MCPH1: variants seen among roughly 807,000 people sequenced by gnomAD.
The protein encoded by MCPH1 is microcephalin 1, also known as microcephalin.
In MCPH1, 104 loss-of-function variants were observed where a neutral mutation model predicts 84.5. The observed-to-expected ratio is 1.23, with a 90% CI of 1.05 to 1.45. The LOEUF is 1.45. Among genes scored for constraint, MCPH1 ranks in the 40% most tolerant of loss-of-function variants. MCPH1 has a pLI of 0.00. For synonymous variants in MCPH1, 514 were observed against 366.8 expected, an observed-to-expected ratio of 1.40 and a Z score of -4.58; for missense variants, 1,498 against 1,005.7, an observed-to-expected ratio of 1.49 and a Z score of -6.62.
At chr8:6,624,432 G>T (rs927557130) in intron 13 of MCPH1, among the ~76,000 whole-genome samples, 20 of 152,184 alleles carry the variant, frequency 1.3e-4, no homozygotes, top group South Asian at 8.3e-4. Flanking sequence ...GGCGTCTCCA[G>T]TGTAGTGGGC....
chr8:6,529,340 G>T (rs1287885850), intron 12 of MCPH1, among the ~76,000 whole-genome samples: 2 of 152,134 alleles, frequency 1.3e-5, no homozygotes, highest in Non-Finnish European at 2.9e-5. Flanking sequence ...GAAATTTTCA[G>T]ATTTGAATTT....
At chr8:6,443,803 C>T (rs184423268) in intron 7 of MCPH1, among the ~76,000 whole-genome samples, 446 of 152,194 alleles carry the variant, frequency 2.9e-3, no homozygotes, top group Non-Finnish European at 4.9e-3. Flanking sequence ...AAGGGGAAGG[C>T]CCAGAGGGTA....
At chr8:6,638,527 A>C (rs992566725) in intron 13 of MCPH1, among the ~76,000 whole-genome samples, 49 of 151,970 alleles carry the variant, frequency 3.2e-4, no homozygotes, top group African/African-American at 1.2e-3. Context: ...AGTAAACTTT[A>C]GCTTGTGCGT....
intron 2 of MCPH1, among the ~76,000 whole-genome samples, chr8:6,410,079 C>T (rs1169928803): frequency 6.6e-6 from 1 of 151,968 alleles, no homozygotes; most frequent in Non-Finnish European, 1.5e-5. Context: ...AAGCGATTGT[C>T]CTGCCTCAGC....
intron 9 of MCPH1, among the ~76,000 whole-genome samples, chr8:6,468,751 T>C (rs1237689507): frequency 6.6e-6 from 1 of 152,092 alleles, no homozygotes; most frequent in African/African-American, 2.4e-5. Context: ...TTGTATTATT[T>C]GAAACTGTTT....
intron 12 of MCPH1, among the ~76,000 whole-genome samples, chr8:6,565,849 G>C (rs141178140): frequency 6.6e-6 from 1 of 152,232 alleles, no homozygotes; most frequent in Non-Finnish European, 1.5e-5. Context: ...GCCATGTGCA[G>C]CTGGCATGGA....
At chr8:6,530,236 G>A (rs562912569) in intron 12 of MCPH1, among the ~76,000 whole-genome samples, 2 of 152,098 alleles carry the variant, frequency 1.3e-5, no homozygotes, top group African/African-American at 4.8e-5. Context: ...GGCCAGGTAC[G>A]GTGGCTCACG....
intron 12 of MCPH1, among the ~76,000 whole-genome samples, chr8:6,556,223 A>G (rs1402879038): frequency 1.3e-5 from 2 of 152,200 alleles, no homozygotes; most frequent in South Asian, 2.1e-4. Flanking sequence ...GTACTACAGC[A>G]TATACAGTGT....
intron 12 of MCPH1, among the ~76,000 whole-genome samples, chr8:6,528,475 TCAC>T (rs1818801966): frequency 6.6e-6 from 1 of 152,226 alleles, no homozygotes; most frequent in African/African-American, 2.4e-5. Flanking sequence ...TCCTCATTTG[TCAC>T]CACTTGTTTA....
At chr8:6,471,855 A>T (rs1356994043) in intron 9 of MCPH1, among the ~76,000 whole-genome samples, 2 of 152,230 alleles carry the variant, frequency 1.3e-5, no homozygotes, top group Non-Finnish European at 2.9e-5. Flanking sequence ...CCTATAGCTA[A>T]TTGCAGATGC....
At chr8:6,616,167 A>G (rs1237246415) in intron 12 of MCPH1, 2 of 152,224 alleles carry the variant, frequency 1.3e-5, no homozygotes, top group Non-Finnish European at 2.9e-5. Context: ...AATGAGAACT[A>G]CAGCCCTGTA....
intron 13 of MCPH1, among the ~76,000 whole-genome samples, chr8:6,641,501 G>A (rs1049470677): frequency 2.0e-5 from 3 of 152,172 alleles, no homozygotes; most frequent in Non-Finnish European, 4.4e-5. Context: ...CAGCATTTTG[G>A]AAGACTGAGG....
rs1464755505 is a variant in MCPH1 at position 6,644,770 on chromosome 8, C to T, written c.*1721C>T. ...TTGCTCATCTCAGCTGTTGTTCCTA[C>T]CTCAAATTTCAAGTCCCTCAACAAA... On this transcript the variant is annotated 3_prime_UTR_variant, in exon 14 of 14. Transcript: ENST00000344683. 2.6e-5 allele frequency: 4 copies of T among 152,184 alleles called. No homozygotes were observed. The highest frequency in any genetic ancestry group is 5.9e-5 in the Non-Finnish European group (4 of 68,036). The allele number at this position is 152,184 out of a possible 1,614,324, so 9.4% of individuals were successfully genotyped here.
At chr8:6,551,937 A>C (rs188028898) in intron 12 of MCPH1, among the ~76,000 whole-genome samples, 1 of 152,344 alleles carries the variant, frequency 6.6e-6, no homozygotes, top group Admixed American at 6.5e-5. Flanking sequence ...GATTCCAAAG[A>C]CTACGCAGTC....
rs2129559790 is a variant in MCPH1 at position 6,480,711 on chromosome 8, C to T, written c.1974-3C>T. On this transcript the variant is annotated splice_region_variant and splice_polypyrimidine_tract_variant and intron_variant, in intron 10 of 13. Transcript: ENST00000344683. The stretch of plus-strand genomic sequence containing the variant: ...TTTGTTAATTTTTCCCCCGATTTGA[C>T]AGAAAGCAGAATGTCGTCATCCAGG... 6.2e-7 allele frequency: 1 copy of T among 1,614,114 alleles called. No homozygotes were observed.
chr8:6,445,175 C>T lies in MCPH1; in HGVS notation c.1453C>T (p.Arg485Trp), dbSNP rs369806832. ...CACAGCAAAAACCATCTCCAGTCCTCGGAAAACTGGAAATGGTGAAGGCCG... is the reference window on the plus strand; with the variant it reads ...CACAGCAAAAACCATCTCCAGTCCTTGGAAAACTGGAAATGGTGAAGGCCG... ...NFTAKTISSP[R>W]KTGNGEGRAT... Residue 485 changes from arginine (R) to tryptophan (W), a missense_variant, in exon 8 of 14, where the codon CGG (arginine) becomes TGG (tryptophan). Transcript: ENST00000344683. 91 of 1,614,104 alleles carry T rather than the reference C, an allele frequency of 5.6e-5. 3 individuals are homozygous for T. The Middle Eastern group carries it at 1.2e-3, about 20-fold the overall frequency.
intron 13 of MCPH1, chr8:6,626,046 C>T (rs147574048): frequency 1.0e-6 from 1 of 985,402 alleles, no homozygotes; most frequent in African/African-American, 1.7e-5. Context: ...CACAGTCCAC[C>T]CGCCAGCCTT....
At chr8:6,491,368 G>C (rs1810555912) in intron 11 of MCPH1, among the ~76,000 whole-genome samples, 1 of 132,608 alleles carries the variant, frequency 7.5e-6, no homozygotes. Flanking sequence ...AGAGTCTATG[G>C]TTTCTTTCTT....
intron 9 of MCPH1, among the ~76,000 whole-genome samples, chr8:6,463,267 G>C (rs1403859804): frequency 6.6e-6 from 1 of 152,152 alleles, no homozygotes; most frequent in Admixed American, 6.6e-5. Flanking sequence ...CCGCTTGGGG[G>C]ATCTGCTTCC....
Sources: gnomAD v4.1 joint callset for allele counts (sites outside exome capture counted in the v4.1 genomes callset) on GRCh38, gnomAD v4.1.1 for gene constraint, MANE v1.5 for transcripts, NCBI Gene and HGNC (gene_info 2026-07-23, HGNC 2026-07-21) for gene names.